The following CC2D2B variants were observed in gnomAD, a reference collection of about 807,000 sequenced individuals.
CC2D2B encodes protein CC2D2B.
CC2D2B carries 128 observed loss-of-function variants against 161.2 expected under a neutral mutation model. The observed-to-expected ratio is 0.79, with a 90% confidence interval of 0.69 to 0.92. The LOEUF (loss-of-function observed/expected upper bound fraction) is 0.92. Ranked by LOEUF, CC2D2B falls within the 40% of genes least tolerant of loss-of-function variation. The pLI, the probability that CC2D2B is intolerant of heterozygous loss-of-function variation, is 0.00. For synonymous variants in CC2D2B, 391 were observed against 449.8 expected (o/e 0.87, Z 1.65); for missense variants, 1,173 against 1,375.1 (o/e 0.85, Z 2.32).
intron 6 of CC2D2B, among the ~76,000 whole-genome samples, chr10:95,934,865 G>GT (rs1554830903): frequency 3.3e-5 from 5 of 150,738 alleles, no homozygotes; most frequent in African/African-American, 9.8e-5. Context: ...TTTTTTGTTT[G>GT]TTTGTTTTGT....
chr10:95,947,093 A>ATATG (rs1340697199), intron 9 of CC2D2B, among the ~76,000 whole-genome samples: 1 of 30,918 alleles, frequency 3.2e-5, no homozygotes, highest in Non-Finnish European at 5.3e-5. Context: ...ATATATATAT[A>ATATG]TATATATATA....
chr10:95,941,222 C>T (rs10882693), intron 9 of CC2D2B, among the ~76,000 whole-genome samples: 36,143 of 151,992 alleles, frequency 0.24, 5,080 homozygotes, highest in East Asian at 0.63. Context: ...AAAACAATAC[C>T]TGAAACTATA....
At chr10:95,980,021 A>G (rs935124279) in intron 17 of CC2D2B, among the ~76,000 whole-genome samples, 1 of 152,238 alleles carries the variant, frequency 6.6e-6, no homozygotes. Flanking sequence ...GGGCCATGCT[A>G]TACTTTGATT....
chr10:95,966,073 G>T, intron 13 of CC2D2B, 75 bp downstream of exon 13: 3 of 748,580 alleles, frequency 4.0e-6, no homozygotes, highest in Non-Finnish European at 5.5e-6. Flanking sequence ...TGAAATCTTG[G>T]TATTTCTAAA....
At chr10:95,926,850 G>GTC (rs2098540070) in intron 5 of CC2D2B, among the ~76,000 whole-genome samples, 1 of 145,604 alleles carries the variant, frequency 6.9e-6, no homozygotes, top group Non-Finnish European at 1.5e-5. Flanking sequence ...GTGTGTGTCT[G>GTC]TGTGTGTGTG....
At chr10:95,932,228 C>T (rs1286675845) in intron 6 of CC2D2B, among the ~76,000 whole-genome samples, 11 of 152,094 alleles carry the variant, frequency 7.2e-5, no homozygotes, top group Non-Finnish European at 1.3e-4. Context: ...TTTCCATTTG[C>T]TTGGCAAATC....
intron 10 of CC2D2B, among the ~76,000 whole-genome samples, chr10:95,954,356 A>G (rs2076503758): frequency 6.6e-6 from 1 of 152,098 alleles, no homozygotes; most frequent in Non-Finnish European, 1.5e-5. Flanking sequence ...CTAATATCCA[A>G]ATACCATCAT....
rs11188554 is a variant in CC2D2B, at chr10:96,008,221, A to G, written c.2947-1604A>G. Among the ~76,000 whole-genome samples, 4,895 of 139,120 alleles carry G rather than the reference A, an allele frequency of 0.035. 920 individuals are homozygous for G. In the East Asian group the frequency reaches 0.57, roughly 16 times the overall value. The allele number at this position is 139,120 out of a possible 152,430, so 91.3% of individuals were successfully genotyped here. A position where few individuals can be genotyped will look rare whatever the true frequency, so the allele number is the denominator to read the frequency against. ...TTTTACTCAGAAAAATTATTTTCAG[A>G]TTCATTCATGTTGTAGTTTTATCAA... On this transcript the variant is annotated intron_variant, in intron 25 of 34. Transcript: ENST00000646931.
chr10:95,967,130 A>G (rs1294574878), intron 14 of CC2D2B, among the ~76,000 whole-genome samples: 1 of 152,178 alleles, frequency 6.6e-6, no homozygotes, highest in African/African-American at 2.4e-5. Context: ...ATTAACAACC[A>G]AAAGGGCAGC....
intron 22 of CC2D2B, 61 bp from the exon 23 acceptor site, chr10:95,995,208 C>T: frequency 1.3e-5 from 12 of 950,718 alleles, no homozygotes; most frequent in Non-Finnish European, 1.8e-5. Flanking sequence ...CCCACCCACT[C>T]CTACCAAAAC....
intron 10 of CC2D2B, chr10:95,952,572 C>G (rs1347977261): frequency 2.0e-5 from 3 of 151,994 alleles, no homozygotes; most frequent in Non-Finnish European, 4.4e-5. Context: ...TTAGATACAG[C>G]ATCTTGTTAT....
At chr10:96,015,231 ATT>A (rs58739011) in intron 29 of CC2D2B, among the ~76,000 whole-genome samples, 20 of 111,286 alleles carry the variant, frequency 1.8e-4, no homozygotes, top group Admixed American at 2.2e-4. Flanking sequence ...GGCCCAGCTA[ATT>A]TTTTTTTTTT....
At chr10:95,968,409 A>C (rs2077016099) in intron 14 of CC2D2B, among the ~76,000 whole-genome samples, 1 of 152,162 alleles carries the variant, frequency 6.6e-6, no homozygotes, top group Non-Finnish European at 1.5e-5. Context: ...TTTTCCTCTC[A>C]TAAGACATCT....
At chr10:95,986,415 T>C (rs935218493) in intron 19 of CC2D2B, among the ~76,000 whole-genome samples, 1 of 151,540 alleles carries the variant, frequency 6.6e-6, no homozygotes, top group Non-Finnish European at 1.5e-5. Flanking sequence ...TAACTGGTTC[T>C]GGAATTGTTA....
intron 24 of CC2D2B, among the ~76,000 whole-genome samples, chr10:95,998,201 T>C (rs1490930417): frequency 6.6e-6 from 1 of 152,032 alleles, no homozygotes; most frequent in Non-Finnish European, 1.5e-5. Flanking sequence ...CACACACAGC[T>C]CCCTCAGCAT....
At chr10:95,993,214 T>C (rs2078023027) in intron 22 of CC2D2B, 1 of 154,980 alleles carries the variant, frequency 6.5e-6, no homozygotes. Context: ...GGGTTTTATT[T>C]GTGTTTTGGG....
At chr10:95,965,371 CTAGTAGTAGTAGTAA>C (rs2076903615) in intron 12 of CC2D2B, among the ~76,000 whole-genome samples, 1 of 151,952 alleles carries the variant, frequency 6.6e-6, no homozygotes, top group African/African-American at 2.4e-5. Context: ...TAAGGATTAG[CTAGTAGTAGTAGTAA>C]TAGTAGTAGT....
At chr10:95,916,395 AT>A (rs1205995237) in intron 2 of CC2D2B, among the ~76,000 whole-genome samples, 1 of 151,408 alleles carries the variant, frequency 6.6e-6, no homozygotes, top group Non-Finnish European at 1.5e-5. Context: ...TTTTAATGTG[AT>A]TTATTTCCTG....
rs765792447 is a variant in CC2D2B, at chr10:96,019,283, G to A, written c.3711G>A (p.Gln1237=). Reference sequence around the variant, plus strand: ...CATCAACTGGCCAATGTTATAAGCAGTTTGACCCGTTTTGTCCCTTAAAAA... The same window carrying A: ...CATCAACTGGCCAATGTTATAAGCAATTTGACCCGTTTTGTCCCTTAAAAA... ...WNPSTGQCYK[Q]FDPFCPLKSV... is the part of the protein sequence containing the mutation. Residue 1237 remains glutamine (Q), a synonymous_variant, in exon 31 of 35, where the codon CAG becomes CAA. Coordinates refer to ENST00000646931, the MANE Select transcript of CC2D2B (RefSeq NM_001349008.3). 4 of 1,613,100 alleles carry A rather than the reference G, an allele frequency of 2.5e-6. No homozygotes were observed. The highest frequency in any genetic ancestry group is 2.2e-5 in the East Asian group (1 of 44,856).
Sources: gnomAD v4.1 joint callset for allele counts (sites outside exome capture counted in the v4.1 genomes callset) on GRCh38, gnomAD v4.1.1 for gene constraint, MANE v1.5 for transcripts, NCBI Gene and HGNC (gene_info 2026-07-23, HGNC 2026-07-21) for gene names.